CDK5RAP2: variants seen among roughly 807,000 people sequenced by gnomAD.
The protein encoded by CDK5RAP2 is CDK5 regulatory subunit associated protein 2.
In CDK5RAP2, 147 loss-of-function variants were observed where a neutral mutation model predicts 232.9. The ratio of observed to expected loss-of-function variants is 0.63; its 90% confidence interval spans 0.55 to 0.72. The LOEUF (loss-of-function observed/expected upper bound fraction) is 0.72. CDK5RAP2 is among the 30% of genes least tolerant of loss of function. The pLI is 0.00. For missense variants in CDK5RAP2, 2,195 were observed against 2,231.5 expected (o/e 0.98, Z 0.33); for synonymous variants, 833 against 833.7 (o/e 1.00, Z 0.01).
intron 36 of CDK5RAP2, among the ~76,000 whole-genome samples, chr9:120,390,996 A>G (rs563992561): frequency 2.5e-4 from 38 of 151,722 alleles, no homozygotes; most frequent in Non-Finnish European, 4.4e-4. Flanking sequence ...CCCCAACCTG[A>G]CCTCCTGCTG....
intron 12 of CDK5RAP2, among the ~76,000 whole-genome samples, chr9:120,496,765 G>A (rs2039287081): frequency 7.9e-6 from 1 of 127,106 alleles, no homozygotes; most frequent in African/African-American, 3.6e-5. Flanking sequence ...CCGGCCAGCC[G>A]CCCCGTCCAG....
intron 14 of CDK5RAP2, among the ~76,000 whole-genome samples, chr9:120,482,317 A>G (rs1184193960): frequency 6.6e-6 from 1 of 152,176 alleles, no homozygotes. Flanking sequence ...CAGGGCCTGG[A>G]TATCAGTTCA....
intron 25 of CDK5RAP2, among the ~76,000 whole-genome samples, chr9:120,426,157 A>AC (rs550364552): frequency 1.2e-3 from 182 of 152,330 alleles, no homozygotes; most frequent in African/African-American, 4.3e-3. Flanking sequence ...CACTCTGTTA[A>AC]CCATGACATG....
chr9:120,506,163 T>C (rs946560057), intron 12 of CDK5RAP2, among the ~76,000 whole-genome samples: 3 of 152,226 alleles, frequency 2.0e-5, no homozygotes, highest in African/African-American at 2.4e-5. Context: ...AAGCCAGTGC[T>C]CACTTATGAT....
intron 21 of CDK5RAP2, among the ~76,000 whole-genome samples, chr9:120,451,192 G>A (rs2036461781): frequency 6.6e-6 from 1 of 152,112 alleles, no homozygotes; most frequent in African/African-American, 2.4e-5. Context: ...CTACCTTATG[G>A]ACTCTAAACA....
intron 18 of CDK5RAP2, among the ~76,000 whole-genome samples, chr9:120,462,223 C>T (rs1005166999): frequency 8.5e-5 from 13 of 152,140 alleles, no homozygotes; most frequent in African/African-American, 3.1e-4. Flanking sequence ...CATAAATATA[C>T]CTACTGAAGC....
rs76956386 is a variant in CDK5RAP2, at chr9:120,411,245, T to C, written c.4414+113A>G. ...GTGACAATTAAATGGTGTAAAGCCA[T>C]CACAGAGCCACAGGATTCATACTTA... On this transcript the variant is annotated intron_variant, in intron 29 of 37. Transcript: ENST00000349780. The C allele has an allele frequency of 2.2e-5, 17 of 771,102 alleles. No individual in the cohort carries two copies. In the East Asian group the frequency reaches 3.9e-4, roughly 18 times the overall value. 47.8% of individuals were successfully genotyped at this position (771,102 alleles called of 1,614,324 possible). A position where few individuals can be genotyped will look rare whatever the true frequency, so the allele number is the denominator to read the frequency against.
chr9:120,407,371 T>C, intron 31 of CDK5RAP2, 123 bp from the exon 32 acceptor site: 2 of 763,070 alleles, frequency 2.6e-6, no homozygotes, highest in South Asian at 2.8e-5. Flanking sequence ...AAGAACTAGG[T>C]ACAGTTTAAA....
At chr9:120,513,342 C>T (rs1185340626) in intron 12 of CDK5RAP2, among the ~76,000 whole-genome samples, 2 of 152,192 alleles carry the variant, frequency 1.3e-5, no homozygotes, top group Non-Finnish European at 2.9e-5. Flanking sequence ...CTCTGACTGG[C>T]ATAGCCAACC....
intron 7 of CDK5RAP2, among the ~76,000 whole-genome samples, chr9:120,533,272 A>C (rs2041235797): frequency 6.6e-6 from 1 of 152,140 alleles, no homozygotes; most frequent in Admixed American, 6.5e-5. Context: ...TCCCAAGGCC[A>C]CACTCAGTAG....
Position 120,480,284 on chromosome 9 carries a change from T to A in CDK5RAP2, c.1627-2834A>T, listed in dbSNP as rs546693568. ...CAACTTGATTAAAATTTACAGGCTGTAGGAATATGAGCAAGGGAAAAAAAT... is the reference window on the plus strand; with the variant it reads ...CAACTTGATTAAAATTTACAGGCTGAAGGAATATGAGCAAGGGAAAAAAAT... On this transcript the variant is annotated intron_variant, in intron 14 of 37. Coordinates refer to ENST00000349780, the MANE Select transcript of CDK5RAP2 (RefSeq NM_018249.6). Among the ~76,000 whole-genome samples the A allele has an allele frequency of 2.0e-5, 3 of 152,268 alleles. No homozygotes were observed. In the East Asian group the frequency reaches 5.8e-4, roughly 29 times the overall value.
intron 1 of CDK5RAP2, among the ~76,000 whole-genome samples, chr9:120,578,910 G>A (rs915843649): frequency 6.6e-6 from 1 of 152,092 alleles, no homozygotes; most frequent in Admixed American, 6.6e-5. Flanking sequence ...AAATAACATG[G>A]TCACCCTTTC....
rs115859269 is a variant in CDK5RAP2, at chr9:120,499,360, G to C, written c.1312-7883C>G. 9.3e-3 allele frequency among the ~76,000 whole-genome samples: 1,416 copies of C among 152,046 alleles called. 26 individuals are homozygous for C. The highest frequency in any genetic ancestry group is 0.032 in the African/African-American group (1,341 of 41,470). On this transcript the variant is annotated intron_variant, in intron 12 of 37. Coordinates refer to ENST00000349780, the MANE Select transcript of CDK5RAP2 (RefSeq NM_018249.6). Reference sequence around the variant, plus strand: ...TGTACTATTCTCTCTCCTTTTGTGGGTATTTGAATTTTCCATAATGAGCAG... The same window carrying C: ...TGTACTATTCTCTCTCCTTTTGTGGCTATTTGAATTTTCCATAATGAGCAG...
intron 12 of CDK5RAP2, among the ~76,000 whole-genome samples, chr9:120,494,965 A>AGCC (rs1329596362): frequency 2.8e-4 from 37 of 134,188 alleles, no homozygotes; most frequent in African/African-American, 1.0e-3. Context: ...GACCGACCGC[A>AGCC]GCCGCCGCCG....
chr9:120,544,729 A>T (rs948483622), intron 5 of CDK5RAP2, among the ~76,000 whole-genome samples: 2 of 152,248 alleles, frequency 1.3e-5, no homozygotes, highest in Admixed American at 1.3e-4. Context: ...GGAAAGTCTT[A>T]TTCCACTGTC....
intron 3 of CDK5RAP2, among the ~76,000 whole-genome samples, chr9:120,552,394 G>A (rs149674627): frequency 0.034 from 5,115 of 152,134 alleles, 307 homozygotes; most frequent in African/African-American, 0.12. Flanking sequence ...ACACGCACAC[G>A]TATGTTCACT....
Position 120,464,798 on chromosome 9 carries a change from T to G in CDK5RAP2, c.2106+3062A>C, listed in dbSNP as rs568144768. On this transcript the variant is annotated intron_variant, in intron 18 of 37. Transcript: ENST00000349780. Reference sequence around the variant, plus strand: ...AAATTAAAATAGCTGTTTTACTGAGTGCATACCATATGCCAGAACTATGCC... The same window carrying G: ...AAATTAAAATAGCTGTTTTACTGAGGGCATACCATATGCCAGAACTATGCC... Among the ~76,000 whole-genome samples the G allele has an allele frequency of 2.0e-5, 3 of 152,334 alleles. No individual in the cohort carries two copies. In the South Asian group the frequency reaches 6.2e-4, roughly 32 times the overall value.
chr9:120,400,146 G>A (rs1276845758), intron 35 of CDK5RAP2, among the ~76,000 whole-genome samples: 4 of 152,122 alleles, frequency 2.6e-5, no homozygotes, highest in Non-Finnish European at 4.4e-5. Flanking sequence ...AGCCAGAGTG[G>A]GCGTTCACCT....
intron 11 of CDK5RAP2, among the ~76,000 whole-genome samples, chr9:120,520,162 T>A (rs1253172036): frequency 1.3e-5 from 2 of 152,262 alleles, no homozygotes; most frequent in Non-Finnish European, 2.9e-5. Context: ...ACCAGCATTC[T>A]ACTAAAAATA....
Sources: allele counts gnomAD v4.1 joint callset (sites outside exome capture counted in the v4.1 genomes callset), GRCh38; gene constraint gnomAD v4.1.1; transcripts MANE v1.5; gene names NCBI Gene and HGNC (gene_info 2026-07-23, HGNC 2026-07-21).